CACNA1S: variants seen among roughly 807,000 people sequenced by gnomAD.
CACNA1S encodes calcium voltage-gated channel subunit alpha1 S.
A neutral mutation model predicts 207.4 loss-of-function variants in CACNA1S; 126 were observed. That is an observed-to-expected ratio of 0.61 (90% CI 0.53 to 0.70). The LOEUF (loss-of-function observed/expected upper bound fraction) is 0.70, where lower values mean the gene tolerates loss of function less well. Among genes scored for constraint, CACNA1S ranks in the 30% least tolerant of loss-of-function variants. The probability of loss-of-function intolerance (pLI) is 0.00; values close to 1 mark genes in which losing one functional copy is unlikely to be tolerated. For missense variants in CACNA1S, 2,349 were observed against 2,422.8 expected (o/e 0.97, Z 0.64); for synonymous variants, 960 against 932.7 (o/e 1.03, Z -0.53).
intron 22 of CACNA1S, among the ~76,000 whole-genome samples, chr1:201,062,882 G>A (rs1335897663): frequency 6.6e-6 from 1 of 152,240 alleles, no homozygotes; most frequent in Non-Finnish European, 1.5e-5. Context: ...CTGAGCCTCT[G>A]AGCCCCTTAC....
chr1:201,081,279 G>A (rs1217213834), intron 10 of CACNA1S, among the ~76,000 whole-genome samples: 2 of 152,196 alleles, frequency 1.3e-5, no homozygotes, highest in East Asian at 3.8e-4. Context: ...CGCTGCTCTG[G>A]CTTTGGGTCA....
chr1:201,069,507 C>A lies in CACNA1S; in HGVS notation c.2455G>T (p.Glu819Ter). ...ILLSSAALAA[E>*]DPIRADSMRN... ...ATGGAATCAGCCCGGATGGGGTCTT[C>A]CGCAGCCAGTGCAGCGCTGCTGAGC... The change falls in exon 18 of 44, where the codon GAA becomes TAA. Residue 819 changes from glutamate to a stop codon, truncating the protein, a stop_gained. Coordinates refer to ENST00000362061, the MANE Select transcript of CACNA1S (RefSeq NM_000069.3). LOFTEE classifies it high-confidence loss of function. 1 of 1,599,266 alleles carries A rather than the reference C, an allele frequency of 6.3e-7. No individual in the cohort carries two copies. Among genetic ancestry groups the A allele is most frequent in the South Asian group, 1.1e-5 (1 of 87,566 alleles).
chr1:201,091,859 T>C, intron 4 of CACNA1S, 67 bp from the exon 5 acceptor site: 2 of 1,594,124 alleles, frequency 1.3e-6, no homozygotes, highest in South Asian at 2.2e-5. Context: ...CCTCCCTCCC[T>C]ATAAATCCTG....
At chr1:201,082,866 C>G (rs184895172) in intron 10 of CACNA1S, among the ~76,000 whole-genome samples, 3 of 152,124 alleles carry the variant, frequency 2.0e-5, no homozygotes, top group Non-Finnish European at 4.4e-5. Context: ...ATAATCTGCC[C>G]GGACACCTGG....
chr1:201,052,203 C>T (rs1163776309), intron 32 of CACNA1S, among the ~76,000 whole-genome samples: 2 of 152,234 alleles, frequency 1.3e-5, no homozygotes, highest in East Asian at 3.8e-4. Flanking sequence ...TCTGCCTTTC[C>T]CTGCATTCCT....
intron 1 of CACNA1S, 32 bp downstream of exon 1, chr1:201,112,156 C>T (rs528549029): frequency 1.0e-4 from 90 of 860,266 alleles, no homozygotes; most frequent in Non-Finnish European, 1.3e-4. Context: ...ATGACGCACA[C>T]CCCCCCCCAC....
intron 2 of CACNA1S, among the ~76,000 whole-genome samples, chr1:201,103,924 G>A (rs1437003288): frequency 1.3e-5 from 2 of 152,224 alleles, no homozygotes; most frequent in South Asian, 2.1e-4. Flanking sequence ...TGATGCCTGA[G>A]GGGTGGGAAG....
At chr1:201,112,055 T>C (rs543307279) in intron 1 of CACNA1S, 133 bp downstream of exon 1, 25 of 696,066 alleles carry the variant, frequency 3.6e-5, no homozygotes, top group Admixed American at 1.4e-4. Flanking sequence ...CCTCACTCAA[T>C]TCTGTGAGTT....
In CACNA1S at chr1:201,091,499, A is replaced by C; in HGVS notation, c.694+141T>G. On this transcript the variant is annotated intron_variant, in intron 5 of 43. Coordinates refer to ENST00000362061, the MANE Select transcript of CACNA1S (RefSeq NM_000069.3). Reference sequence around the variant, plus strand: ...GCTGCCCTTCCTCCAAGTCCCCCTTATCCAGGAGAAACCCATTCTCAAGGT... The same window carrying C: ...GCTGCCCTTCCTCCAAGTCCCCCTTCTCCAGGAGAAACCCATTCTCAAGGT... 3.2e-6 allele frequency: 3 copies of C among 948,002 alleles called. No individual in the cohort carries two copies. The East Asian group carries it at 7.2e-5, about 23-fold the overall frequency. 58.7% of individuals were successfully genotyped at this position (948,002 alleles called of 1,614,324 possible).
Position 201,077,875 on chromosome 1 carries a change from T to G in CACNA1S, c.1619+4A>C, listed in dbSNP as rs759923319. 1.2e-6 allele frequency: 2 copies of G among 1,611,242 alleles called. No individual in the cohort carries two copies. ...CGGGAGTGCCAGCCGACCCCGGCAC[T>G]CACTTGGTGATCTTGAAGATCCTCA... On this transcript the variant is annotated splice_donor_region_variant and intron_variant, in intron 11 of 43. Coordinates refer to ENST00000362061, the MANE Select transcript of CACNA1S (RefSeq NM_000069.3).
chr1:201,081,366 A>G (rs2102149048), intron 10 of CACNA1S, among the ~76,000 whole-genome samples: 1 of 152,250 alleles, frequency 6.6e-6, no homozygotes, highest in East Asian at 1.9e-4. Context: ...CAGCAGTGTT[A>G]CTTGTTTGTA....
rs1572035925 is a variant in CACNA1S, at chr1:201,062,087, G to A, written c.2910C>T (p.Gly970=). ...CCCCGTCCTTGTACACGTAGTAGTA[G>A]CCCCTGTGGCAGGGAGGCCCAGTCA... ...LSKMTEEECR[G]YYYVYKDGDP... is the part of the protein sequence containing the mutation. Residue 970 remains glycine (G), a synonymous_variant, in exon 24 of 44, where the codon GGC becomes GGT. Coordinates refer to ENST00000362061, the MANE Select transcript of CACNA1S (RefSeq NM_000069.3). The A allele has an allele frequency of 6.2e-7, 1 of 1,613,550 alleles. No homozygotes were observed. The highest frequency in any genetic ancestry group is 8.5e-7 in the Non-Finnish European group (1 of 1,179,804).
At chr1:201,048,119 C>T (rs1434286922) in intron 36 of CACNA1S, among the ~76,000 whole-genome samples, 2 of 152,230 alleles carry the variant, frequency 1.3e-5, no homozygotes, top group African/African-American at 4.8e-5. Flanking sequence ...AGTGTGAGCC[C>T]TGAGCAAGGG....
intron 42 of CACNA1S, 74 bp downstream of exon 42, chr1:201,040,548 A>C: frequency 6.8e-7 from 1 of 1,479,356 alleles, no homozygotes; most frequent in Non-Finnish European, 9.4e-7. Context: ...TTCCCCTGCC[A>C]TGATCCCACT....
intron 13 of CACNA1S, among the ~76,000 whole-genome samples, chr1:201,075,111 C>T (rs1661559443): frequency 6.6e-6 from 1 of 152,220 alleles, no homozygotes; most frequent in Non-Finnish European, 1.5e-5. Context: ...AGCGCTCAGA[C>T]TGATCATCCC....
intron 6 of CACNA1S, among the ~76,000 whole-genome samples, chr1:201,088,563 G>A (rs1662114458): frequency 6.6e-6 from 1 of 152,178 alleles, no homozygotes; most frequent in South Asian, 2.1e-4. Context: ...ATTCTGGATT[G>A]GAGCCAGGGG....
At chr1:201,068,067 C>T (rs1006706520) in intron 19 of CACNA1S, among the ~76,000 whole-genome samples, 5 of 151,964 alleles carry the variant, frequency 3.3e-5, no homozygotes, top group East Asian at 1.9e-4. Flanking sequence ...TGAGCAGTGA[C>T]GTGCTGTGGA....
chr1:201,095,121 GGTGT>G (rs55654000), intron 2 of CACNA1S, among the ~76,000 whole-genome samples: 2 of 148,860 alleles, frequency 1.3e-5, no homozygotes, highest in African/African-American at 5.0e-5. Context: ...AGCTCCAGGA[GGTGT>G]GTGTGTGTGT....
intron 7 of CACNA1S, among the ~76,000 whole-genome samples, chr1:201,086,337 A>G (rs1662038656): frequency 6.6e-6 from 1 of 152,258 alleles, no homozygotes; most frequent in African/African-American, 2.4e-5. Context: ...AAATAAAACC[A>G]TAGCATGACA....
Sources: gnomAD v4.1 joint callset for allele counts (sites outside exome capture counted in the v4.1 genomes callset) on GRCh38, gnomAD v4.1.1 for gene constraint, MANE v1.5 for transcripts, NCBI Gene and HGNC (gene_info 2026-07-23, HGNC 2026-07-21) for gene names.